The following ECE1 variants were observed in gnomAD, a reference collection of about 807,000 sequenced individuals.
ECE1 encodes endothelin-converting enzyme 1.
A neutral mutation model predicts 98.6 loss-of-function variants in ECE1; 35 were observed. The observed-to-expected ratio is 0.35, with a 90% CI of 0.27 to 0.47. The LOEUF (loss-of-function observed/expected upper bound fraction) is 0.47. Ranked by LOEUF, ECE1 falls within the 20% of genes least tolerant of loss-of-function variation. The probability of loss-of-function intolerance (pLI) is 1.00; values close to 1 mark genes in which losing one functional copy is unlikely to be tolerated. For missense variants in ECE1, 814 were observed against 1,025.3 expected, an observed-to-expected ratio of 0.79 and a Z score of 2.81; for synonymous variants, 394 against 407.1, an observed-to-expected ratio of 0.97 and a Z score of 0.39.
At chr1:21,232,300 C>A (rs201803345) in intron 14 of ECE1, among the ~76,000 whole-genome samples, 1 of 147,428 alleles carries the variant, frequency 6.8e-6, no homozygotes, top group East Asian at 2.0e-4. Context: ...TTTTTTTTTT[C>A]TTTCTTTCTT....
chr1:21,279,532 C>A, intron 2 of ECE1, 200 bp from the exon 3 acceptor site: 1 of 1,456,628 alleles, frequency 6.9e-7, no homozygotes, highest in Non-Finnish European at 9.1e-7. Flanking sequence ...CGGATCTGCT[C>A]CCAAACATCA....
chr1:21,279,168 C>A (rs754772886), intron 3 of ECE1, 23 bp downstream of exon 3: 1 of 1,614,100 alleles, frequency 6.2e-7, no homozygotes, highest in Non-Finnish European at 8.5e-7. Flanking sequence ...GTCAAGCCCA[C>A]CATGCAACAC....
At chr1:21,222,161 C>T (rs559372942) in intron 17 of ECE1, 3 of 402,336 alleles carry the variant, frequency 7.5e-6, no homozygotes, top group South Asian at 2.2e-5. Context: ...AGAGCCACAT[C>T]GTGTGTGTGC....
Position 21,260,480 on chromosome 1 carries a change from G to C in ECE1, c.494-88C>G. 5.9e-6 allele frequency: 9 copies of C among 1,516,596 alleles called. No homozygotes were observed. Among genetic ancestry groups the C allele is most frequent in the Non-Finnish European group, 6.4e-6 (7 of 1,095,278 alleles). The allele number at this position is 1,516,596 out of a possible 1,614,324, so 93.9% of individuals were successfully genotyped here. On this transcript the variant is annotated intron_variant, in intron 4 of 18. Coordinates refer to ENST00000374893, the MANE Select transcript of ECE1 (RefSeq NM_001397.3). The surrounding 1 kb of genome is among the most constrained non-coding windows in gnomAD (Gnocchi z 4.3). ...CAGTCCCTCTTTTCGGAGCCTTGGTGTTCTCAGCTGCAAAGGAGCTCTGAC... is the reference window on the plus strand; with the variant it reads ...CAGTCCCTCTTTTCGGAGCCTTGGTCTTCTCAGCTGCAAAGGAGCTCTGAC...
chr1:21,251,858 G>A (rs1033092975), intron 8 of ECE1, among the ~76,000 whole-genome samples: 1 of 152,158 alleles, frequency 6.6e-6, no homozygotes, highest in Non-Finnish European at 1.5e-5. Context: ...CAATAACCCT[G>A]AGTTTCTTTT....
Position 21,260,142 on chromosome 1 carries a change from GTCTT to G in ECE1, c.615+125_615+128del, listed in dbSNP as rs1199765115. 1.4e-6 allele frequency: 2 copies of G among 1,391,014 alleles called. No homozygotes were observed. The highest frequency in any genetic ancestry group is 2.3e-5 in the East Asian group (1 of 43,706). 86.2% of individuals were successfully genotyped at this position (1,391,014 alleles called of 1,614,324 possible). A position where few individuals can be genotyped will look rare whatever the true frequency, so the allele number is the denominator to read the frequency against. Reference sequence around the variant, plus strand: ...TCGCACACTCGCTCTCTCTCTTTCTGTCTTTCTCTTGGTGCTACCGGCTGGACGT... The same window carrying G: ...TCGCACACTCGCTCTCTCTCTTTCTGTCTCTTGGTGCTACCGGCTGGACGT... On this transcript the variant is annotated intron_variant, in intron 5 of 18. Transcript: ENST00000374893. This position sits in a 1 kb window ranked among gnomAD's most constrained non-coding sequence, Gnocchi z 4.3.
chr1:21,258,735 A>G lies in ECE1; in HGVS notation c.720T>C (p.Tyr240=), dbSNP rs1297332322. 16 of 1,614,078 alleles carry G rather than the reference A, an allele frequency of 9.9e-6. No individual in the cohort carries two copies. Among genetic ancestry groups the G allele is most frequent in the Non-Finnish European group, 1.4e-5 (16 of 1,180,034 alleles). The change falls in exon 6 of 19, where the codon TAT becomes TAC. Residue 240 remains tyrosine (Y), a synonymous_variant. Transcript: ENST00000374893. The surrounding 1 kb of genome is among the most constrained non-coding windows in gnomAD (Gnocchi z 4.2). ...HYRTSPFFSV[Y]VSADSKNSNS... is the part of the protein sequence containing the mutation. ...TGGAGTTCTTGGAATCGGCACTGAC[A>G]TAGACAGAGAAGAAGGGTGAGGTGC... is the stretch of plus-strand genomic sequence containing the variant.
At chr1:21,299,041 A>G (rs1203150253) in intron 1 of ECE1, 2 of 365,480 alleles carry the variant, frequency 5.5e-6, no homozygotes, top group Non-Finnish European at 1.1e-5. Context: ...CAATCTGAAG[A>G]GACCAAGCGC....
chr1:21,245,041 C>T lies in ECE1; in HGVS notation c.1226G>A (p.Arg409His), dbSNP rs904541289. 3 of 1,614,188 alleles carry T rather than the reference C, an allele frequency of 1.9e-6. No individual in the cohort carries two copies. Among genetic ancestry groups the T allele is most frequent in the Admixed American group, 1.7e-5 (1 of 60,026 alleles). ...GAACTTCTCATCGGCGTCCTGAAAG[C>T]GCTGGTCAAGGAAGGAGCTTGTTTT... The part of the protein sequence containing the change: ...VRKTSSFLDQ[R>H]FQDADEKFME... The change falls in exon 10 of 19, where the codon CGC becomes CAC. Residue 409 changes from arginine to histidine, a missense_variant. By Grantham distance (29) the Arg-to-His change is conservative (BLOSUM62 0). Coordinates refer to ENST00000374893, the MANE Select transcript of ECE1 (RefSeq NM_001397.3).
intron 8 of ECE1, among the ~76,000 whole-genome samples, chr1:21,251,155 C>T (rs1438913783): frequency 6.6e-6 from 1 of 152,128 alleles, no homozygotes; most frequent in Non-Finnish European, 1.5e-5. Context: ...GGAACAAGGA[C>T]CTCAAAGGAC....
chr1:21,262,617 C>T (rs1338185653), intron 4 of ECE1, among the ~76,000 whole-genome samples: 1 of 152,204 alleles, frequency 6.6e-6, no homozygotes, highest in Non-Finnish European at 1.5e-5. Flanking sequence ...CCCAAGGCCA[C>T]AAAGATAAGA....
upstream of ECE1, among the ~76,000 whole-genome samples, chr1:21,292,658 G>A (rs543884007): frequency 6.6e-6 from 1 of 152,264 alleles, no homozygotes; most frequent in African/African-American, 2.4e-5. Context: ...TCCATCACCC[G>A]GCACAGAGTA....
intron 1 of ECE1, chr1:21,299,678 T>C (rs1490506908): frequency 3.3e-5 from 5 of 152,364 alleles, no homozygotes; most frequent in Non-Finnish European, 5.9e-5. Flanking sequence ...GGCAAGCTAC[T>C]TCACCATCTG....
chr1:21,332,930 T>C (rs1371209975), intron 1 of ECE1, among the ~76,000 whole-genome samples: 2 of 151,946 alleles, frequency 1.3e-5, no homozygotes, highest in Non-Finnish European at 2.9e-5. Context: ...ACTGTTACAA[T>C]ATTAGTGCCA....
chr1:21,332,346 C>G, intron 1 of ECE1, among the ~76,000 whole-genome samples: 1 of 151,944 alleles, frequency 6.6e-6, no homozygotes, highest in Non-Finnish European at 1.5e-5. Context: ...AGTAATAAAT[C>G]AGGTGACATT....
At position 21,233,463 on chromosome 1, in the gene ECE1, G is replaced by T. The variant is rs897611216; in HGVS notation, c.1670+95C>A. On this transcript the variant is annotated intron_variant, in intron 14 of 18. Coordinates refer to ENST00000374893, the MANE Select transcript of ECE1 (RefSeq NM_001397.3). This position sits in a 1 kb window ranked among gnomAD's most constrained non-coding sequence, Gnocchi z 4.0. ...GACGGCTCTCGTGATAGCTGATCGG[G>T]TGCACAGTGAGGGTGCAATGAAGGC... 2 of 1,083,100 alleles carry T rather than the reference G, an allele frequency of 1.8e-6. No individual in the cohort carries two copies. The highest frequency in any genetic ancestry group is 1.4e-6 in the Non-Finnish European group (1 of 716,180). 67.1% of individuals were successfully genotyped at this position (1,083,100 alleles called of 1,614,324 possible). A position where few individuals can be genotyped will look rare whatever the true frequency, so the allele number is the denominator to read the frequency against.
rs2098165070 is a variant in ECE1 at position 21,219,824 on chromosome 1, C to G, written c.*131G>C. On this transcript the variant is annotated 3_prime_UTR_variant, in exon 19 of 19. Coordinates refer to ENST00000374893, the MANE Select transcript of ECE1 (RefSeq NM_001397.3). This position sits in a 1 kb window ranked among gnomAD's most constrained non-coding sequence, Gnocchi z 4.5. Reference sequence around the variant, plus strand: ...GCCAACACCATGGGCTCGGTTCCGGCTGAAAACCCGCCAGTGTGAGGAAGC... The same window carrying G: ...GCCAACACCATGGGCTCGGTTCCGGGTGAAAACCCGCCAGTGTGAGGAAGC... 1.6e-6 allele frequency: 2 copies of G among 1,262,522 alleles called. No individual in the cohort carries two copies. The highest frequency in any genetic ancestry group is 4.0e-5 in the Admixed American group (2 of 50,282). 78.2% of individuals were successfully genotyped at this position (1,262,522 alleles called of 1,614,324 possible).
At chr1:21,320,846 G>A (rs1490139215) in intron 1 of ECE1, among the ~76,000 whole-genome samples, 2 of 152,216 alleles carry the variant, frequency 1.3e-5, no homozygotes, top group Non-Finnish European at 2.9e-5. Flanking sequence ...CCAGCAGCGT[G>A]GAGCTCGGCT....
chr1:21,226,584 T>A (rs991680015), intron 16 of ECE1, among the ~76,000 whole-genome samples: 1 of 152,130 alleles, frequency 6.6e-6, no homozygotes, highest in African/African-American at 2.4e-5. Flanking sequence ...CAGGCAGTGG[T>A]GCAATCATAA....
Sources: allele counts gnomAD v4.1 joint callset (sites outside exome capture counted in the v4.1 genomes callset), GRCh38; gene constraint gnomAD v4.1.1; non-coding constraint Gnocchi (gnomAD v3.1); transcripts MANE v1.5; gene names NCBI Gene and HGNC (gene_info 2026-07-23, HGNC 2026-07-21).